ATP11A: variants seen among roughly 807,000 people sequenced by gnomAD.
ATP11A encodes the protein phospholipid-transporting ATPase IH.
In ATP11A, 81 loss-of-function variants were observed where a neutral mutation model predicts 154.4. That is an observed-to-expected ratio of 0.52 (90% CI 0.44 to 0.63). The LOEUF (loss-of-function observed/expected upper bound fraction) is 0.63. Ranked by LOEUF, ATP11A falls within the 30% of genes least tolerant of loss-of-function variation. The pLI is 0.00. For missense variants in ATP11A, 1,316 were observed against 1,474.3 expected (o/e 0.89, Z 1.76); for synonymous variants, 623 against 585.9 (o/e 1.06, Z -0.91).
At chr13:112,693,537 C>A (rs574138756) in intron 1 of ATP11A, among the ~76,000 whole-genome samples, 1 of 151,134 alleles carries the variant, frequency 6.6e-6, no homozygotes, top group Non-Finnish European at 1.5e-5. Context: ...CATGGGGTAG[C>A]GTGTGTGCCG....
intron 2 of ATP11A, among the ~76,000 whole-genome samples, chr13:112,803,753 A>C (rs1418755793): frequency 8.0e-5 from 5 of 62,314 alleles, no homozygotes; most frequent in Non-Finnish European, 8.4e-5. Flanking sequence ...TCCTTCTCTC[A>C]TTCCCCTCCT....
At chr13:112,837,826 G>A (rs2140274501) in intron 16 of ATP11A, among the ~76,000 whole-genome samples, 1 of 152,088 alleles carries the variant, frequency 6.6e-6, no homozygotes, top group South Asian at 2.1e-4. Context: ...CTAAGACCCC[G>A]AAGGAGCTGT....
At chr13:112,723,869 C>T (rs946850270) in intron 1 of ATP11A, among the ~76,000 whole-genome samples, 2 of 152,164 alleles carry the variant, frequency 1.3e-5, no homozygotes, top group Non-Finnish European at 2.9e-5. Context: ...TCCTCTGTCT[C>T]GCCCGAAACC....
chr13:112,792,750 C>T (rs578154461), intron 2 of ATP11A, among the ~76,000 whole-genome samples: 2 of 152,298 alleles, frequency 1.3e-5, no homozygotes, highest in South Asian at 4.2e-4. Flanking sequence ...CCCAGGCCTG[C>T]TTGCACCCCC....
intron 1 of ATP11A, among the ~76,000 whole-genome samples, chr13:112,784,065 G>A (rs1387341320): frequency 1.3e-5 from 2 of 152,168 alleles, no homozygotes; most frequent in Non-Finnish European, 1.5e-5. Context: ...GGAATTCAAG[G>A]GCAAGCAGGA....
chr13:112,844,591 G>A (rs1387534605), intron 17 of ATP11A, among the ~76,000 whole-genome samples: 2 of 152,186 alleles, frequency 1.3e-5, no homozygotes, highest in Non-Finnish European at 2.9e-5. Context: ...CACAAAAGGC[G>A]GCTGTTGTAT....
chr13:112,756,837 CCTGCTCCCAGCGCGGGGT>C lies in ATP11A; in HGVS notation c.40-28286_40-28269del, dbSNP rs1262540432. Among the ~76,000 whole-genome samples, 16 of 150,892 alleles carry C rather than the reference CCTGCTCCCAGCGCGGGGT, an allele frequency of 1.1e-4. No individual in the cohort carries two copies. In the East Asian group the frequency reaches 1.6e-3, roughly 15 times the overall value. ...CGAGGGGTCTGCTCCCAGCACGGGG[CCTGCTCCCAGCGCGGGGT>C]CTGCTCCCAGCACGTGGTCTGCTCC... On this transcript the variant is annotated intron_variant, in intron 1 of 29. Coordinates refer to ENST00000375645, the MANE Select transcript of ATP11A (RefSeq NM_015205.3).
chr13:112,729,811 T>C (rs563377532), intron 1 of ATP11A, among the ~76,000 whole-genome samples: 1 of 152,352 alleles, frequency 6.6e-6, no homozygotes, highest in East Asian at 1.9e-4. Context: ...GCGGGAACTC[T>C]TCGAGGAAAA....
At chr13:112,779,711 C>T (rs1206658607) in intron 1 of ATP11A, among the ~76,000 whole-genome samples, 1 of 151,696 alleles carries the variant, frequency 6.6e-6, no homozygotes, top group African/African-American at 2.4e-5. Context: ...GTCAGGAGTT[C>T]GAGGCTAGCC....
chr13:112,824,298 G>C (rs751351709), intron 9 of ATP11A, 46 bp from the exon 10 acceptor site: 4 of 1,475,628 alleles, frequency 2.7e-6, no homozygotes, highest in Non-Finnish European at 3.8e-6. Context: ...CATAAGGCAA[G>C]ACACACTTGC....
At chr13:112,760,584 A>G in intron 1 of ATP11A, among the ~76,000 whole-genome samples, 1 of 152,210 alleles carries the variant, frequency 6.6e-6, no homozygotes, top group East Asian at 1.9e-4. Flanking sequence ...TTTTTCAGCT[A>G]GTTCACACAG....
chr13:112,740,550 T>C (rs1891447247), intron 1 of ATP11A, among the ~76,000 whole-genome samples: 1 of 152,162 alleles, frequency 6.6e-6, no homozygotes, highest in Admixed American at 6.5e-5. Flanking sequence ...ACTCTTCAAG[T>C]GATGATGGCA....
chr13:112,731,141 G>T (rs1031841690), intron 1 of ATP11A, among the ~76,000 whole-genome samples: 7 of 151,540 alleles, frequency 4.6e-5, no homozygotes, highest in Non-Finnish European at 1.0e-4. Context: ...CACCATGTTG[G>T]CCAGGCTGGT....
At chr13:112,803,804 TC>T (rs1412610173) in intron 2 of ATP11A, among the ~76,000 whole-genome samples, 10 of 62,158 alleles carry the variant, frequency 1.6e-4, no homozygotes, top group Admixed American at 4.1e-4. Context: ...TTACTTCCCC[TC>T]CCTCCCCTCC....
At chr13:112,783,935 C>A (rs1594676730) in intron 1 of ATP11A, among the ~76,000 whole-genome samples, 1 of 152,174 alleles carries the variant, frequency 6.6e-6, no homozygotes, top group South Asian at 2.1e-4. Flanking sequence ...TGCAGGAGAG[C>A]CTTCCTGTTC....
chr13:112,795,938 AC>A (rs1462360802), intron 2 of ATP11A, among the ~76,000 whole-genome samples: 4 of 152,220 alleles, frequency 2.6e-5, no homozygotes, highest in Non-Finnish European at 4.4e-5. Flanking sequence ...GAATATGGGG[AC>A]TGACTCTGAA....
chr13:112,760,210 T>C (rs377388118), intron 1 of ATP11A, among the ~76,000 whole-genome samples: 32 of 152,368 alleles, frequency 2.1e-4, no homozygotes, highest in African/African-American at 6.3e-4. Flanking sequence ...ATTTCTCTTG[T>C]TTTTCTCTAA....
At chr13:112,749,346 A>G (rs1310387783) in intron 1 of ATP11A, among the ~76,000 whole-genome samples, 2 of 152,230 alleles carry the variant, frequency 1.3e-5, no homozygotes, top group East Asian at 3.8e-4. Context: ...GGAAACTTTC[A>G]TTTCGTAGCA....
chr13:112,823,991 G>A (rs555990804), intron 9 of ATP11A, among the ~76,000 whole-genome samples: 3 of 152,148 alleles, frequency 2.0e-5, no homozygotes, highest in South Asian at 2.1e-4. Context: ...TGTTTTTATC[G>A]TCTGTATTTT....
Sources: gnomAD v4.1 joint callset for allele counts (sites outside exome capture counted in the v4.1 genomes callset) on GRCh38, gnomAD v4.1.1 for gene constraint, MANE v1.5 for transcripts, NCBI Gene and HGNC (gene_info 2026-07-23, HGNC 2026-07-21) for gene names.